The following NTM variants were observed in gnomAD, a reference collection of about 807,000 sequenced individuals.
NTM encodes neurotrimin, also known as IgLON family member 2.
Under a neutral mutation model 42.1 loss-of-function variants are expected in NTM, and 13 were observed. The ratio of observed to expected loss-of-function variants is 0.31; its 90% CI spans 0.20 to 0.49. NTM has a LOEUF of 0.49. Among genes scored for constraint, NTM ranks in the 20% least tolerant of loss-of-function variants. NTM has a pLI of 0.99. For synonymous variants in NTM, 187 were observed against 179.2 expected, an observed-to-expected ratio of 1.04 and a Z score of -0.35; for missense variants, 373 against 452.8, an observed-to-expected ratio of 0.82 and a Z score of 1.60.
chr11:132,232,406 G>C (rs2087795555), intron 4 of NTM, among the ~76,000 whole-genome samples: 1 of 152,236 alleles, frequency 6.6e-6, no homozygotes, highest in Non-Finnish European at 1.5e-5. Flanking sequence ...GACAGGACGA[G>C]TCGCCCACCT....
intron 1 of NTM, among the ~76,000 whole-genome samples, chr11:131,790,180 G>GA (rs992780379): frequency 1.3e-4 from 20 of 152,146 alleles, no homozygotes; most frequent in African/African-American, 1.7e-4. Context: ...TTCATATGGA[G>GA]AAAAAGATTG....
At chr11:131,600,188 G>T (rs187880747) in intron 1 of NTM, among the ~76,000 whole-genome samples, 2 of 152,288 alleles carry the variant, frequency 1.3e-5, no homozygotes, top group East Asian at 3.9e-4. Context: ...GGTGAGGGTT[G>T]TAGGGAGACA....
intron 1 of NTM, among the ~76,000 whole-genome samples, chr11:131,563,980 C>T (rs76708903): frequency 0.029 from 4,466 of 152,188 alleles, 210 homozygotes; most frequent in African/African-American, 0.1. Flanking sequence ...CTCCCCAGAC[C>T]TTGTCCTGGT....
intron 1 of NTM, among the ~76,000 whole-genome samples, chr11:131,894,748 T>A (rs1193382237): frequency 1.3e-5 from 2 of 152,164 alleles, no homozygotes; most frequent in African/African-American, 4.8e-5. Context: ...AGGTTGTTCA[T>A]CCTCCTCCCT....
chr11:131,856,640 T>A (rs899817756), intron 1 of NTM, among the ~76,000 whole-genome samples: 3 of 152,212 alleles, frequency 2.0e-5, no homozygotes, highest in Admixed American at 2.0e-4. Flanking sequence ...AAATCCAAGC[T>A]TCCCATACTA....
intron 1 of NTM, among the ~76,000 whole-genome samples, chr11:131,792,357 G>A (rs1034290405): frequency 3.3e-5 from 5 of 151,826 alleles, no homozygotes; most frequent in Non-Finnish European, 5.9e-5. Context: ...CTGTTCCTTT[G>A]CCTGCAGTGC....
At chr11:131,712,113 C>T (rs1445737924) in intron 1 of NTM, among the ~76,000 whole-genome samples, 1 of 144,800 alleles carries the variant, frequency 6.9e-6, no homozygotes, top group East Asian at 2.0e-4. Flanking sequence ...GCACATGTAC[C>T]CTAAAACTTA....
chr11:131,652,714 C>A (rs1459021060), intron 1 of NTM, among the ~76,000 whole-genome samples: 2 of 152,308 alleles, frequency 1.3e-5, no homozygotes. Context: ...GCCTGTTGGG[C>A]AGCGGGACTT....
At chr11:131,734,399 C>T (rs1353916574) in intron 1 of NTM, among the ~76,000 whole-genome samples, 1 of 152,036 alleles carries the variant, frequency 6.6e-6, no homozygotes, top group South Asian at 2.1e-4. Flanking sequence ...TCTTTTCTTC[C>T]TTCCCTTCTT....
chr11:131,981,674 G>A (rs1029591413), intron 2 of NTM, among the ~76,000 whole-genome samples: 1 of 152,152 alleles, frequency 6.6e-6, no homozygotes, highest in South Asian at 2.1e-4. Context: ...GAAAATTGTA[G>A]TTCAATTCAG....
intron 4 of NTM, among the ~76,000 whole-genome samples, chr11:132,236,040 G>A (rs991833886): frequency 2.7e-5 from 4 of 147,988 alleles, no homozygotes; most frequent in African/African-American, 7.4e-5. Context: ...TGTATAACTC[G>A]CTTAATTCAT....
chr11:131,789,663 G>C (rs921239284), intron 1 of NTM, among the ~76,000 whole-genome samples: 1 of 120,636 alleles, frequency 8.3e-6, no homozygotes, highest in Admixed American at 8.1e-5. Context: ...AGAAGAAGAA[G>C]AAGAAAGCAT....
chr11:132,092,891 A>G (rs1244310995), intron 2 of NTM, among the ~76,000 whole-genome samples: 1 of 152,086 alleles, frequency 6.6e-6, no homozygotes, highest in African/African-American at 2.4e-5. Context: ...TTCCATCCCC[A>G]TCACTCCTTG....
intron 1 of NTM, among the ~76,000 whole-genome samples, chr11:131,701,745 G>A (rs1459568305): frequency 6.6e-6 from 1 of 152,060 alleles, no homozygotes; most frequent in Admixed American, 6.5e-5. Context: ...GGGTCCTAGG[G>A]CATGAGGGCC....
chr11:131,779,646 G>A (rs1251495930), intron 1 of NTM, among the ~76,000 whole-genome samples: 1 of 152,138 alleles, frequency 6.6e-6, no homozygotes, highest in African/African-American at 2.4e-5. Flanking sequence ...CAAGGAGGAA[G>A]TCAGTCAGTC....
intron 1 of NTM, among the ~76,000 whole-genome samples, chr11:131,520,175 A>C (rs1408535058): frequency 6.6e-6 from 1 of 152,236 alleles, no homozygotes; most frequent in East Asian, 1.9e-4. Flanking sequence ...GAATTCCTTT[A>C]GCGCTGGCAA....
chr11:131,487,925 A>T (rs1048132873), intron 1 of NTM, among the ~76,000 whole-genome samples: 1 of 152,206 alleles, frequency 6.6e-6, no homozygotes, highest in African/African-American at 2.4e-5. Context: ...AGAAATAGCC[A>T]GTGAGGGAGA....
intron 2 of NTM, among the ~76,000 whole-genome samples, chr11:131,922,569 T>G (rs943919630): frequency 6.6e-6 from 1 of 152,186 alleles, no homozygotes; most frequent in East Asian, 1.9e-4. Flanking sequence ...ACCACTAAAT[T>G]CTGTTTGTCT....
intron 1 of NTM, among the ~76,000 whole-genome samples, chr11:131,874,029 TAATATATATATATATATATA>T (rs1265249457): frequency 3.9e-5 from 2 of 50,944 alleles, no homozygotes; most frequent in South Asian, 6.9e-4. Context: ...TAATATAATA[TAATATATATATATATATATA>T]TATATATATA....
Sources: gnomAD v4.1 joint callset for allele counts (sites outside exome capture counted in the v4.1 genomes callset) on GRCh38, gnomAD v4.1.1 for gene constraint, MANE v1.5 for transcripts, NCBI Gene and HGNC (gene_info 2026-07-23, HGNC 2026-07-21) for gene names.